The following DIAPH2 variants were observed in gnomAD, a reference collection of about 807,000 sequenced individuals.
DIAPH2 encodes the protein diaphanous related formin 2, also known as protein diaphanous homolog 2.
DIAPH2 carries 35 observed loss-of-function variants against 92.7 expected under a neutral mutation model. That is an observed-to-expected ratio of 0.38 (90% CI 0.29 to 0.50). The LOEUF (loss-of-function observed/expected upper bound fraction) is 0.50. DIAPH2 is among the 20% of genes least tolerant of loss of function. The probability of loss-of-function intolerance (pLI) is 0.94; values close to 1 mark genes in which losing one functional copy is unlikely to be tolerated. For synonymous variants in DIAPH2, 301 were observed against 280.4 expected, an observed-to-expected ratio of 1.07 and a Z score of -0.73; for missense variants, 701 against 819.5, an observed-to-expected ratio of 0.86 and a Z score of 1.77.
intron 4 of DIAPH2, among the ~76,000 whole-genome samples, chrX:96,802,308 A>G (rs929421020): frequency 1.8e-5 from 2 of 112,199 alleles, no homozygotes; most frequent in Admixed American, 1.9e-4. Flanking sequence ...CAGCTTTCGT[A>G]AAACAAAAAC....
intron 4 of DIAPH2, among the ~76,000 whole-genome samples, chrX:96,793,919 G>C (rs186492114): frequency 1.2e-4 from 13 of 112,119 alleles, no homozygotes; most frequent in Admixed American, 9.4e-5. Flanking sequence ...CAGCTAGTAA[G>C]GTAGAAAGAC....
chrX:97,116,094 A>C (rs1192361476), intron 21 of DIAPH2, among the ~76,000 whole-genome samples: 1 of 112,038 alleles, frequency 8.9e-6, no homozygotes, highest in Non-Finnish European at 1.9e-5. Flanking sequence ...TATAATGAGA[A>C]TCCCAAATCT....
At chrX:97,151,679 AC>A (rs1190141970) in intron 22 of DIAPH2, among the ~76,000 whole-genome samples, 1 of 111,649 alleles carries the variant, frequency 9.0e-6, no homozygotes, top group African/African-American at 3.3e-5. Flanking sequence ...TAAAATATTC[AC>A]CAATAACCTG....
At chrX:96,804,110 A>G (rs767733880) in intron 4 of DIAPH2, among the ~76,000 whole-genome samples, 4 of 111,104 alleles carry the variant, frequency 3.6e-5, no homozygotes, top group African/African-American at 1.3e-4. Flanking sequence ...GACCGGAATA[A>G]TTTTGTCTGT....
intron 4 of DIAPH2, among the ~76,000 whole-genome samples, chrX:96,835,495 G>A: frequency 9.0e-6 from 1 of 111,636 alleles, no homozygotes. Context: ...TTCCAAAAGA[G>A]GAGTCAGGGG....
At chrX:97,371,945 G>A (rs1027099566) in intron 24 of DIAPH2, among the ~76,000 whole-genome samples, 2 of 112,354 alleles carry the variant, frequency 1.8e-5, no homozygotes, top group African/African-American at 3.2e-5. Flanking sequence ...AAAGCACTTC[G>A]TAGATTTTAA....
At chrX:97,341,975 T>A (rs1244805395) in intron 23 of DIAPH2, among the ~76,000 whole-genome samples, 1 of 111,982 alleles carries the variant, frequency 8.9e-6, no homozygotes, top group Non-Finnish European at 1.9e-5. Flanking sequence ...AACTATTACA[T>A]CTACTAAAAT....
At chrX:96,939,556 A>ATATG (rs1556303072) in intron 12 of DIAPH2, among the ~76,000 whole-genome samples, 174 bp downstream of exon 12, 2 of 66,943 alleles carry the variant, frequency 3.0e-5, no homozygotes. Context: ...GTATATATGT[A>ATATG]TATATATATA....
intron 1 of DIAPH2, among the ~76,000 whole-genome samples, chrX:96,732,364 C>T (rs1348497503): frequency 9.0e-6 from 1 of 111,715 alleles, no homozygotes; most frequent in Non-Finnish European, 1.9e-5. Context: ...GAAATTCAGC[C>T]CTTCATATCT....
chrX:97,101,654 T>G (rs1031186627), intron 20 of DIAPH2, among the ~76,000 whole-genome samples: 1 of 112,132 alleles, frequency 8.9e-6, no homozygotes, highest in African/African-American at 3.2e-5. Flanking sequence ...AATGATATAC[T>G]TTAGTTTGTT....
At chrX:96,939,657 CT>C (rs1309718598) in intron 12 of DIAPH2, among the ~76,000 whole-genome samples, 4 of 66,455 alleles carry the variant, frequency 6.0e-5, no homozygotes, top group African/African-American at 2.0e-4. Flanking sequence ...GAGTTTGACT[CT>C]TTAGGTAACA....
At chrX:97,270,439 A>C (rs2147583576) in intron 23 of DIAPH2, among the ~76,000 whole-genome samples, 1 of 112,183 alleles carries the variant, frequency 8.9e-6, no homozygotes, top group Admixed American at 9.5e-5. Flanking sequence ...GCCCAAGGTC[A>C]CACAGCTACT....
chrX:97,243,500 A>G (rs985852441), intron 22 of DIAPH2, among the ~76,000 whole-genome samples: 2 of 111,434 alleles, frequency 1.8e-5, no homozygotes, highest in African/African-American at 6.5e-5. Flanking sequence ...CCATGCAAAG[A>G]TAAACACTTT....
At chrX:97,245,666 G>C (rs963431581) in intron 22 of DIAPH2, among the ~76,000 whole-genome samples, 6 of 110,917 alleles carry the variant, frequency 5.4e-5, no homozygotes, top group Non-Finnish European at 9.4e-5. Context: ...ATCCACTTTG[G>C]CCTCCACAAG....
At chrX:97,125,340 G>C (rs1465231056) in intron 21 of DIAPH2, among the ~76,000 whole-genome samples, 2 of 107,709 alleles carry the variant, frequency 1.9e-5, no homozygotes, top group Non-Finnish European at 3.8e-5. Flanking sequence ...GGGCGTGGTG[G>C]CGGGCACCTG....
At chrX:96,846,232 C>A (rs1053048003) in intron 4 of DIAPH2, among the ~76,000 whole-genome samples, 10 of 109,694 alleles carry the variant, frequency 9.1e-5, no homozygotes, top group African/African-American at 2.0e-4. Context: ...ACTGCAACCT[C>A]CGCCTTCTGG....
At chrX:96,837,532 G>A (rs1481780048) in intron 4 of DIAPH2, among the ~76,000 whole-genome samples, 2 of 107,230 alleles carry the variant, frequency 1.9e-5, no homozygotes, top group Non-Finnish European at 3.8e-5. Flanking sequence ...GAAACCTTTT[G>A]TTTGATCAAA....
intron 25 of DIAPH2, among the ~76,000 whole-genome samples, chrX:97,400,142 T>C (rs1332188171): frequency 8.9e-6 from 1 of 112,372 alleles, no homozygotes. Flanking sequence ...CACCTCAATA[T>C]CTTCAAAAGT....
intron 17 of DIAPH2, among the ~76,000 whole-genome samples, chrX:97,041,568 G>T: frequency 9.0e-6 from 1 of 111,549 alleles, no homozygotes; most frequent in Non-Finnish European, 1.9e-5. Flanking sequence ...TTCTGGGACA[G>T]TGTAAGCCAA....
Sources: gnomAD v4.1 joint callset for allele counts (sites outside exome capture counted in the v4.1 genomes callset) on GRCh38, gnomAD v4.1.1 for gene constraint, MANE v1.5 for transcripts, NCBI Gene and HGNC (gene_info 2026-07-23, HGNC 2026-07-21) for gene names.